The following C14orf39 variants were observed in gnomAD, a reference collection of about 807,000 sequenced individuals.
C14orf39 encodes chromosome 14 open reading frame 39.
Under a neutral mutation model 85.6 loss-of-function variants are expected in C14orf39, and 66 were observed. The observed-to-expected ratio is 0.77, with a 90% confidence interval of 0.63 to 0.95. C14orf39 has a LOEUF of 0.95. C14orf39 is among the 40% of genes least tolerant of loss of function. The probability of loss-of-function intolerance (pLI) is 0.00; values close to 1 mark genes in which losing one functional copy is unlikely to be tolerated. For missense variants in C14orf39, 735 were observed against 663.9 expected (o/e 1.11, Z -1.18); for synonymous variants, 242 against 214.0 (o/e 1.13, Z -1.14).
At chr14:60,447,854 C>A (rs985364709) in intron 16 of C14orf39, among the ~76,000 whole-genome samples, 1 of 152,056 alleles carries the variant, frequency 6.6e-6, no homozygotes, top group Non-Finnish European at 1.5e-5. Flanking sequence ...ACATATAGAC[C>A]AATGAAACAG....
In C14orf39 at chr14:60,515,407, G is replaced by A. The variant is rs1893352411; in HGVS notation, c.-156C>T. Reference sequence around the variant, plus strand: ...TTCGCGCACCCACCTTTTCCATCCAGCGCCCCGCGAACTCGCGGACGTGTA... The same window carrying A: ...TTCGCGCACCCACCTTTTCCATCCAACGCCCCGCGAACTCGCGGACGTGTA... On this transcript the variant is annotated 5_prime_UTR_variant, in exon 1 of 6. Transcript: ENST00000556799. This position sits in a 1 kb window ranked among gnomAD's most constrained non-coding sequence, Gnocchi z 6.2. 1 of 152,136 alleles carries A rather than the reference G, an allele frequency of 6.6e-6. No individual in the cohort carries two copies. Among genetic ancestry groups the A allele is most frequent in the Non-Finnish European group, 1.5e-5 (1 of 68,084 alleles). The allele number at this position is 152,136 out of a possible 1,614,324, so 9.4% of individuals were successfully genotyped here.
At chr14:60,443,838 C>G (rs184655697) in intron 16 of C14orf39, among the ~76,000 whole-genome samples, 1 of 152,174 alleles carries the variant, frequency 6.6e-6, no homozygotes, top group East Asian at 1.9e-4. Context: ...AAGGATCAGG[C>G]AGCAATATTT....
chr14:60,487,213 C>T (rs1192285316), upstream of C14orf39, among the ~76,000 whole-genome samples: 1 of 152,160 alleles, frequency 6.6e-6, no homozygotes, highest in Non-Finnish European at 1.5e-5. Flanking sequence ...CATTAGATCT[C>T]CAGAACTTAT....
At position 60,436,757 on chromosome 14, in the gene C14orf39, A is replaced by G. The variant is rs1465919738; in HGVS notation, c.*88T>C. ...CATTACTGCTTTAATCAATAAAAGA[A>G]AGCAGTCTTCATGTTTTAAGCAATA... is the stretch of plus-strand genomic sequence containing the variant. On this transcript the variant is annotated 3_prime_UTR_variant, in exon 18 of 18. Transcript: ENST00000321731. 3.7e-6 allele frequency: 3 copies of G among 802,682 alleles called. No homozygotes were observed. The allele number at this position is 802,682 out of a possible 1,614,324, so 49.7% of individuals were successfully genotyped here.
chr14:60,453,728 C>A (rs1338977128), intron 16 of C14orf39, among the ~76,000 whole-genome samples: 2 of 151,632 alleles, frequency 1.3e-5, no homozygotes, highest in African/African-American at 4.8e-5. Flanking sequence ...CACTTTCCCC[C>A]AGGACAGTTA....
chr14:60,461,665 C>T (rs1891543187), intron 11 of C14orf39, 72 bp from the exon 12 acceptor site: 3 of 750,250 alleles, frequency 4.0e-6, no homozygotes, highest in East Asian at 5.3e-5. Context: ...TCGTTAGCAA[C>T]TCAGAACTCT....
At chr14:60,455,677 T>C (rs553960238) in intron 15 of C14orf39, among the ~76,000 whole-genome samples, 13 of 152,250 alleles carry the variant, frequency 8.5e-5, no homozygotes, top group Admixed American at 7.2e-4. Flanking sequence ...AAAGCATGGA[T>C]TCTAGAGCCA....
rs571426180 is a variant in C14orf39, at chr14:60,443,189, C to G, written c.1504-1058G>C. ...GACTGGTTGGACAGTGGGTGCAGCCCACAGAGGGTGAGCTGCAGCAGGGCA... is the reference window on the plus strand; with the variant it reads ...GACTGGTTGGACAGTGGGTGCAGCCGACAGAGGGTGAGCTGCAGCAGGGCA... On this transcript the variant is annotated intron_variant, in intron 16 of 17. Transcript: ENST00000321731. Among the ~76,000 whole-genome samples the G allele has an allele frequency of 2.0e-5, 3 of 152,292 alleles. No homozygotes were observed. The South Asian group carries it at 6.2e-4, about 32-fold the overall frequency.
Position 60,491,168 on chromosome 14 carries a change from A to T in C14orf39, c.-8-6082T>A. On this transcript the variant is annotated intron_variant, in intron 2 of 5. Coordinates refer to the C14orf39 transcript ENST00000556799. The surrounding 1 kb of genome is among the most constrained non-coding windows in gnomAD (Gnocchi z 4.5). ...CAAAACACCACTACCTAGATAATTCATAAATAATAGAAATTTATTTCTCAC... is the reference window on the plus strand; with the variant it reads ...CAAAACACCACTACCTAGATAATTCTTAAATAATAGAAATTTATTTCTCAC... 6.6e-6 allele frequency among the ~76,000 whole-genome samples: 1 copy of T among 152,200 alleles called. No individual in the cohort carries two copies. The highest frequency in any genetic ancestry group is 1.5e-5 in the Non-Finnish European group (1 of 68,032).
At chr14:60,442,419 T>G (rs1310601465) in intron 16 of C14orf39, among the ~76,000 whole-genome samples, 1 of 152,200 alleles carries the variant, frequency 6.6e-6, no homozygotes, top group African/African-American at 2.4e-5. Context: ...TGAAAGCTTT[T>G]AACAAATCAG....
intron 5 of C14orf39, among the ~76,000 whole-genome samples, chr14:60,474,395 T>C (rs1175414582): frequency 3.8e-5 from 3 of 78,042 alleles, no homozygotes; most frequent in Admixed American, 1.6e-4. Context: ...CATTTATTTC[T>C]TTCTCCTGCC....
intron 11 of C14orf39, among the ~76,000 whole-genome samples, chr14:60,463,897 C>T (rs907915350): frequency 4.6e-5 from 7 of 152,150 alleles, no homozygotes; most frequent in African/African-American, 1.4e-4. Context: ...ATTTATTTTT[C>T]CCCTATTTGA....
chr14:60,436,752 A>G lies in C14orf39; in HGVS notation c.*93T>C. ...GTAAACATTACTGCTTTAATCAATA[A>G]AAGAAAGCAGTCTTCATGTTTTAAG... On this transcript the variant is annotated 3_prime_UTR_variant, in exon 18 of 18. Coordinates refer to ENST00000321731, the MANE Select transcript of C14orf39 (RefSeq NM_174978.3). The G allele has an allele frequency of 2.6e-6, 2 of 783,980 alleles. No homozygotes were observed. Among genetic ancestry groups the G allele is most frequent in the Non-Finnish European group, 4.2e-6 (2 of 477,758 alleles). The allele number at this position is 783,980 out of a possible 1,614,324, so 48.6% of individuals were successfully genotyped here.
In C14orf39 at chr14:60,441,509, T is replaced by C. The variant is rs796530107; in HGVS notation, c.1561+565A>G. Among the ~76,000 whole-genome samples, 54 of 152,320 alleles carry C rather than the reference T, an allele frequency of 3.5e-4. 1 individual carries two copies. Among genetic ancestry groups the C allele is most frequent in the African/African-American group, 1.3e-3 (53 of 41,576 alleles). The stretch of plus-strand genomic sequence containing the variant: ...TCTGACTATTCAAGCCCATAACAAC[T>C]GTTGTTTAGTGTACTATCTGATAAA... On this transcript the variant is annotated intron_variant, in intron 17 of 17. Coordinates refer to ENST00000321731, the MANE Select transcript of C14orf39 (RefSeq NM_174978.3).
At chr14:60,481,896 A>G (rs368251694) in intron 4 of C14orf39, among the ~76,000 whole-genome samples, 1 of 151,950 alleles carries the variant, frequency 6.6e-6, no homozygotes, top group African/African-American at 2.4e-5. Context: ...TTTGTCTTTT[A>G]TATCATTATA....
chr14:60,511,264 A>G, intron 1 of C14orf39: 1 of 1,613,078 alleles, frequency 6.2e-7, no homozygotes, highest in Non-Finnish European at 8.5e-7. Context: ...TTGCCCATCC[A>G]GGATGCTCAG....
At chr14:60,483,631 G>A (rs1320851192) in intron 4 of C14orf39, 60 bp downstream of exon 4, 12 of 1,454,172 alleles carry the variant, frequency 8.3e-6, no homozygotes, top group Middle Eastern at 4.0e-4. Context: ...ATCTTCAACT[G>A]TAAACTCAAA....
chr14:60,461,295 A>C (rs963476131), intron 13 of C14orf39, 59 bp downstream of exon 13: 1 of 1,433,206 alleles, frequency 7.0e-7, no homozygotes, highest in African/African-American at 1.4e-5. Context: ...GACTAATGTA[A>C]AAACCTGATA....
At chr14:60,481,697 T>C (rs926421319) in intron 4 of C14orf39, among the ~76,000 whole-genome samples, 9 of 152,166 alleles carry the variant, frequency 5.9e-5, no homozygotes, top group Non-Finnish European at 1.0e-4. Context: ...ATTTAGATAT[T>C]TCTGACTATT....
Sources: gnomAD v4.1 joint callset for allele counts (sites outside exome capture counted in the v4.1 genomes callset) on GRCh38, gnomAD v4.1.1 for gene constraint, Gnocchi (gnomAD v3.1) non-coding constraint, MANE v1.5 for transcripts, NCBI Gene and HGNC (gene_info 2026-07-23, HGNC 2026-07-21) for gene names.